DCAF8L2: variants seen among roughly 807,000 people sequenced by gnomAD.
The protein encoded by DCAF8L2 is DDB1- and CUL4-associated factor 8-like protein 2.
For synonymous variants in DCAF8L2, 200 were observed against 190.9 expected, an observed-to-expected ratio of 1.05 and a Z score of -0.39; for missense variants, 430 against 490.7, an observed-to-expected ratio of 0.88 and a Z score of 1.17.
chrX:27,702,198 T>A (rs1349839969), intron 3 of DCAF8L2, among the ~76,000 whole-genome samples: 1 of 110,451 alleles, frequency 9.1e-6, no homozygotes, highest in Non-Finnish European at 1.9e-5. Context: ...AGAGATTGAA[T>A]TAGTAATTAA....
At chrX:27,670,612 G>C (rs997273058) in intron 2 of DCAF8L2, among the ~76,000 whole-genome samples, 1 of 111,353 alleles carries the variant, frequency 9.0e-6, no homozygotes, top group Non-Finnish European at 1.9e-5. Context: ...TCTTGCTATG[G>C]TTCAGACATA....
intron 1 of DCAF8L2, among the ~76,000 whole-genome samples, chrX:27,628,443 T>C (rs1182119669): frequency 8.9e-6 from 1 of 111,733 alleles, no homozygotes; most frequent in African/African-American, 3.3e-5. Flanking sequence ...TTTGTGTATA[T>C]GCACATAAGT....
At chrX:27,742,990 T>C (rs1407734377) in intron 4 of DCAF8L2, among the ~76,000 whole-genome samples, 1 of 112,555 alleles carries the variant, frequency 8.9e-6, no homozygotes, top group African/African-American at 3.2e-5. Flanking sequence ...CACTCCCTTC[T>C]ACCTTTTGGC....
At chrX:27,583,919 A>G in the DCAF8L2 span, among the ~76,000 whole-genome samples, 22 of 111,608 alleles carry the variant, frequency 2.0e-4, no homozygotes, top group Non-Finnish European at 3.6e-4. Flanking sequence ...TGTAGCCAGT[A>G]ACATTTTTAA....
the DCAF8L2 span, among the ~76,000 whole-genome samples, chrX:27,512,806 A>AAAAAAAAAAAAAAAC: frequency 1.0e-5 from 1 of 97,955 alleles, no homozygotes; most frequent in African/African-American, 4.0e-5. Flanking sequence ...AAAAAAAAAA[A>AAAAAAAAAAAAAAAC]AAAACAAAGC....
intron 4 of DCAF8L2, among the ~76,000 whole-genome samples, chrX:27,729,133 G>GGA (rs201673383): frequency 4.5e-5 from 5 of 111,023 alleles, no homozygotes; most frequent in Non-Finnish European, 7.6e-5. Context: ...AAAGCTCCCT[G>GGA]GAGAGAGAGA....
At chrX:27,733,251 G>T (rs1921327155) in intron 4 of DCAF8L2, among the ~76,000 whole-genome samples, 1 of 111,638 alleles carries the variant, frequency 9.0e-6, no homozygotes, top group Admixed American at 9.6e-5. Flanking sequence ...ATATCTCACT[G>T]TGGTTTTGAT....
chrX:27,566,572 T>C, the DCAF8L2 span, among the ~76,000 whole-genome samples: 1 of 111,368 alleles, frequency 9.0e-6, no homozygotes, highest in Non-Finnish European at 1.9e-5. Flanking sequence ...TTTTGAGACA[T>C]ACATGGTAAT....
At chrX:27,696,318 GAAA>G (rs1930917965) in intron 3 of DCAF8L2, among the ~76,000 whole-genome samples, 1 of 53,980 alleles carries the variant, frequency 1.9e-5, no homozygotes, top group Non-Finnish European at 3.7e-5. Context: ...AAGAAAGAAA[GAAA>G]GAAAGAAAGA....
chrX:27,722,505 G>A (rs1931933214), intron 4 of DCAF8L2, among the ~76,000 whole-genome samples: 1 of 111,316 alleles, frequency 9.0e-6, no homozygotes, highest in African/African-American at 3.3e-5. Flanking sequence ...ACATTCAGTA[G>A]AAAGCATACT....
chrX:27,736,073 A>C (rs1386725885), intron 4 of DCAF8L2, among the ~76,000 whole-genome samples: 2 of 111,114 alleles, frequency 1.8e-5, no homozygotes, highest in Non-Finnish European at 3.8e-5. Context: ...CAAGTCCTAT[A>C]GGCATCTGGA....
At chrX:27,556,607 T>G in the DCAF8L2 span, among the ~76,000 whole-genome samples, 1 of 111,799 alleles carries the variant, frequency 8.9e-6, no homozygotes, top group East Asian at 2.8e-4. Context: ...CCCTTCTCTA[T>G]CATAAAATTT....
the DCAF8L2 span, among the ~76,000 whole-genome samples, chrX:27,530,393 T>G: frequency 1.8e-5 from 2 of 110,674 alleles, no homozygotes; most frequent in Non-Finnish European, 3.8e-5. Flanking sequence ...CAGGAGAACT[T>G]ATTGTATATA....
At chrX:27,738,068 T>C (rs947360356) in intron 4 of DCAF8L2, among the ~76,000 whole-genome samples, 1 of 111,585 alleles carries the variant, frequency 9.0e-6, no homozygotes, top group Admixed American at 9.6e-5. Context: ...TTTTCTTTGA[T>C]TGATATTTTC....
At chrX:27,612,718 C>G (rs1304530503) in intron 1 of DCAF8L2, among the ~76,000 whole-genome samples, 1 of 111,882 alleles carries the variant, frequency 8.9e-6, no homozygotes, top group Non-Finnish European at 1.9e-5. Flanking sequence ...TTCCCCATTT[C>G]TTGTTTTTGT....
chrX:27,613,894 G>A (rs1163393781), intron 1 of DCAF8L2, among the ~76,000 whole-genome samples: 3 of 111,422 alleles, frequency 2.7e-5, no homozygotes, highest in African/African-American at 9.8e-5. Flanking sequence ...GTTCATCACG[G>A]ATATTGGGCT....
At chrX:27,592,403 T>TG (rs1569153760) in intron 1 of DCAF8L2, among the ~76,000 whole-genome samples, 1 of 70,915 alleles carries the variant, frequency 1.4e-5, no homozygotes, top group Admixed American at 1.8e-4. Flanking sequence ...CATTGTTTTT[T>TG]TTTGTTTGTT....
At chrX:27,695,821 A>C (rs1930874219) in intron 3 of DCAF8L2, among the ~76,000 whole-genome samples, 2 of 111,373 alleles carry the variant, frequency 1.8e-5, no homozygotes, top group Admixed American at 9.6e-5. Flanking sequence ...CAAATATTAC[A>C]TTTTAACATT....
At chrX:27,514,695 AC>A in the DCAF8L2 span, among the ~76,000 whole-genome samples, 726 of 75,439 alleles carry the variant, frequency 9.6e-3, 58 homozygotes, top group African/African-American at 0.049. Context: ...AAAAAAAAAA[AC>A]AAAAAAAAAA....
Sources: gnomAD v4.1 joint callset for allele counts (sites outside exome capture counted in the v4.1 genomes callset) on GRCh38, gnomAD v4.1.1 for gene constraint, MANE v1.5 for transcripts, NCBI Gene and HGNC (gene_info 2026-07-23, HGNC 2026-07-21) for gene names.